KMT2C: variants seen among roughly 807,000 people sequenced by gnomAD.
The protein encoded by KMT2C is histone-lysine N-methyltransferase 2C.
A neutral mutation model predicts 507.9 loss-of-function variants in KMT2C; 88 were observed. That is an observed-to-expected ratio of 0.17 (90% CI 0.15 to 0.21). KMT2C has a LOEUF of 0.21. KMT2C is among the 10% of genes least tolerant of loss of function. KMT2C has a pLI of 1.00. For missense variants in KMT2C, 4,954 were observed against 5,957.8 expected, an observed-to-expected ratio of 0.83 and a Z score of 5.55; for synonymous variants, 2,049 against 2,080.8, an observed-to-expected ratio of 0.98 and a Z score of 0.42.
intron 14 of KMT2C, among the ~76,000 whole-genome samples, chr7:152,242,167 T>G (rs2095398358): frequency 1.3e-5 from 2 of 152,334 alleles, no homozygotes; most frequent in African/African-American, 4.8e-5. Flanking sequence ...ACAATCCAGT[T>G]GCAGCACTTT....
intron 23 of KMT2C, among the ~76,000 whole-genome samples, chr7:152,212,397 T>G (rs150766913): frequency 0.02 from 3,038 of 152,290 alleles, 97 homozygotes; most frequent in African/African-American, 0.069. Flanking sequence ...TTAACACTTA[T>G]ATTCAACATA....
chr7:152,148,451 T>C lies in KMT2C; in HGVS notation c.13476A>G (p.Gln4492=), dbSNP rs766489784. 4.3e-6 allele frequency: 7 copies of C among 1,614,148 alleles called. No individual in the cohort carries two copies. The Admixed American group carries it at 5.0e-5, about 12-fold the overall frequency. Reference sequence around the variant, plus strand: ...TAGTTTTGTCCTTAAAAAACATGCATTGTGCTTTAATGGCGCAAGTGAAGT... The same window carrying C: ...TAGTTTTGTCCTTAAAAAACATGCACTGTGCTTTAATGGCGCAAGTGAAGT... ...IYHFTCAIKA[Q]CMFFKDKTML... is the part of the protein sequence containing the mutation. The change falls in exon 52 of 59, where the codon CAA becomes CAG. Residue 4492 remains glutamine (Q), a synonymous_variant. Transcript: ENST00000262189. The surrounding 1 kb of genome is among the most constrained non-coding windows in gnomAD (Gnocchi z 7.1).
chr7:152,264,676 AACT>A (rs1355388779), intron 8 of KMT2C, among the ~76,000 whole-genome samples: 3 of 152,010 alleles, frequency 2.0e-5, no homozygotes, highest in African/African-American at 7.2e-5. Flanking sequence ...CCTTAAGAAA[AACT>A]ACTTTATTCT....
intron 16 of KMT2C, among the ~76,000 whole-genome samples, chr7:152,232,913 T>C (rs1393445295): frequency 1.3e-5 from 2 of 152,110 alleles, no homozygotes; most frequent in Non-Finnish European, 2.9e-5. Flanking sequence ...TCCCAACCAC[T>C]AACAGAAAAT....
At chr7:152,285,118 C>A (rs2096274930) in intron 6 of KMT2C, among the ~76,000 whole-genome samples, 1 of 152,310 alleles carries the variant, frequency 6.6e-6, no homozygotes, top group Non-Finnish European at 1.5e-5. Context: ...CTCACAGCAG[C>A]TTTATATACT....
At chr7:152,267,835 A>T (rs572513886) in intron 7 of KMT2C, among the ~76,000 whole-genome samples, 2 of 152,296 alleles carry the variant, frequency 1.3e-5, no homozygotes, top group South Asian at 4.1e-4. Context: ...CTCCCTTTCC[A>T]ACTGAATCTC....
At chr7:152,204,759 T>C (rs1393999769) in intron 25 of KMT2C, among the ~76,000 whole-genome samples, 1 of 152,160 alleles carries the variant, frequency 6.6e-6, no homozygotes, top group Admixed American at 6.5e-5. Context: ...AAGTACCTTA[T>C]GTAACTAAGT....
chr7:152,176,514 T>G lies in KMT2C; in HGVS notation c.8939A>C (p.Asn2980Thr), dbSNP rs2129113179. ...CTGCACACCCTGAGAAAAAACATGGTTTACCCTAGAGACTACTGTCACATT... is the reference window on the plus strand; with the variant it reads ...CTGCACACCCTGAGAAAAAACATGGGTTACCCTAGAGACTACTGTCACATT... ...NSNVTVVSRV[N>T]HVFSQGVQVN... Residue 2980 changes from asparagine to threonine, a missense_variant, in exon 38 of 59, where the codon AAC becomes ACC. Physicochemically the swap from Asn to Thr is moderately conservative, Grantham distance 65. Transcript: ENST00000262189. 6.2e-7 allele frequency: 1 copy of G among 1,614,096 alleles called. No individual in the cohort carries two copies. The highest frequency in any genetic ancestry group is 8.5e-7 in the Non-Finnish European group (1 of 1,180,000).
chr7:152,350,879 A>G (rs957386372), intron 2 of KMT2C, among the ~76,000 whole-genome samples: 1 of 152,232 alleles, frequency 6.6e-6, no homozygotes, highest in Non-Finnish European at 1.5e-5. Flanking sequence ...AGCTTAAAAC[A>G]CACACTGTAC....
intron 1 of KMT2C, among the ~76,000 whole-genome samples, chr7:152,430,905 C>G (rs1280653155): frequency 6.6e-6 from 1 of 152,186 alleles, no homozygotes; most frequent in Non-Finnish European, 1.5e-5. Context: ...CGAAGCCCCT[C>G]CATCATAAAC....
At chr7:152,197,461 T>C (rs190931240) in intron 27 of KMT2C, among the ~76,000 whole-genome samples, 6 of 152,322 alleles carry the variant, frequency 3.9e-5, no homozygotes, top group Admixed American at 3.9e-4. Flanking sequence ...TCCCATTATA[T>C]AGTTTTCAAA....
chr7:152,258,290 A>G (rs571792405), intron 9 of KMT2C, among the ~76,000 whole-genome samples: 2 of 152,366 alleles, frequency 1.3e-5, no homozygotes, highest in Non-Finnish European at 2.9e-5. Flanking sequence ...CAGCCAAAAA[A>G]TAATTAGGTA....
intron 7 of KMT2C, among the ~76,000 whole-genome samples, chr7:152,266,336 C>G (rs1489683673): frequency 6.6e-6 from 1 of 152,078 alleles, no homozygotes; most frequent in Non-Finnish European, 1.5e-5. Flanking sequence ...CCTCCGCCTC[C>G]CAGGTTCAAG....
chr7:152,363,200 A>G (rs1324294538), intron 1 of KMT2C, among the ~76,000 whole-genome samples: 1 of 152,236 alleles, frequency 6.6e-6, no homozygotes, highest in East Asian at 1.9e-4. Context: ...TTGAAGTCTA[A>G]TTACAAATGA....
At chr7:152,147,910 GA>G (rs1191181422) in intron 52 of KMT2C, 122 bp downstream of exon 52, 3 of 1,087,062 alleles carry the variant, frequency 2.8e-6, no homozygotes, top group African/African-American at 1.6e-5. Context: ...ATTTGTAAAT[GA>G]AAAATACACA....
intron 8 of KMT2C, among the ~76,000 whole-genome samples, chr7:152,264,417 TGAAA>T (rs1346276456): frequency 2.0e-5 from 3 of 152,162 alleles, no homozygotes; most frequent in Non-Finnish European, 4.4e-5. Flanking sequence ...GACCAAGAGA[TGAAA>T]TACCATAGGA....
intron 27 of KMT2C, 57 bp downstream of exon 27, chr7:152,199,222 A>G (rs1187570439): frequency 7.3e-7 from 1 of 1,361,180 alleles, no homozygotes; most frequent in Non-Finnish European, 1.0e-6. Context: ...GATTTAACTG[A>G]AAGGAAGATG....
intron 1 of KMT2C, among the ~76,000 whole-genome samples, chr7:152,423,884 G>T (rs1462493759): frequency 6.6e-6 from 1 of 151,978 alleles, no homozygotes; most frequent in Non-Finnish European, 1.5e-5. Context: ...ATCCTTTTTA[G>T]GGTTGATATT....
chr7:152,331,280 G>C (rs2096879763), intron 2 of KMT2C, among the ~76,000 whole-genome samples: 1 of 151,348 alleles, frequency 6.6e-6, no homozygotes. Context: ...ACTGTACTCA[G>C]GCCTAGGTGA....
Sources: allele counts gnomAD v4.1 joint callset (sites outside exome capture counted in the v4.1 genomes callset), GRCh38; gene constraint gnomAD v4.1.1; non-coding constraint Gnocchi (gnomAD v3.1); transcripts MANE v1.5; gene names NCBI Gene and HGNC (gene_info 2026-07-23, HGNC 2026-07-21).